CD1A: variants seen among roughly 807,000 people sequenced by gnomAD.
CD1A encodes CD1a molecule, also known as T-cell surface glycoprotein CD1a.
Under a neutral mutation model 38.3 loss-of-function variants are expected in CD1A, and 50 were observed. The ratio of observed to expected loss-of-function variants is 1.30; its 90% CI spans 1.04 to 1.65. The LOEUF is 1.65. Among genes scored for constraint, CD1A ranks in the 40% most tolerant of loss-of-function variants. The pLI is 0.00. For missense variants in CD1A, 459 were observed against 406.1 expected (o/e 1.13, Z -1.12); for synonymous variants, 160 against 150.8 (o/e 1.06, Z -0.45).
rs748482341 is a variant in CD1A, at chr1:158,256,808, C to T, written c.627C>T (p.Ser209=). 3 of 1,614,160 alleles carry T rather than the reference C, an allele frequency of 1.9e-6. No individual in the cohort carries two copies. The highest frequency in any genetic ancestry group is 2.5e-6 in the Non-Finnish European group (3 of 1,180,006). Residue 209 remains serine (S), a synonymous_variant, in exon 4 of 6, where the codon TCC becomes TCT. Transcript: ENST00000289429. The part of the protein sequence containing the change: ...QRQVKPEAWL[S]HGPSPGPGHL... ...CAGTGAAGCCCGAGGCCTGGCTGTCCCATGGCCCCAGTCCTGGCCCTGGCC... is the reference window on the plus strand; with the variant it reads ...CAGTGAAGCCCGAGGCCTGGCTGTCTCATGGCCCCAGTCCTGGCCCTGGCC...
upstream of CD1A, chr1:158,254,053 T>A: frequency 7.9e-6 from 1 of 125,842 alleles, no homozygotes; most frequent in Non-Finnish European, 1.7e-5. Flanking sequence ...TTTTTTTTTT[T>A]TTTTTTTTTT....
At chr1:158,255,535 C>T (rs1441604687) in intron 2 of CD1A, among the ~76,000 whole-genome samples, 185 bp downstream of exon 2, 3 of 152,178 alleles carry the variant, frequency 2.0e-5, no homozygotes, top group Non-Finnish European at 2.9e-5. Flanking sequence ...CCAAACACTT[C>T]TGCTACTTAT....
chr1:158,258,149 T>C lies in CD1A; in HGVS notation c.*459T>C, dbSNP rs1158623606. On this transcript the variant is annotated 3_prime_UTR_variant, in exon 6 of 6. Coordinates refer to ENST00000289429, the MANE Select transcript of CD1A (RefSeq NM_001763.3). ...CAGTTATTTAGATCCCCCCTTTCCT[T>C]CTAATTTTTCAGCTCCTTCAATGCA... 1 of 159,940 alleles carries C rather than the reference T, an allele frequency of 6.3e-6. No homozygotes were observed. Among genetic ancestry groups the C allele is most frequent in the Non-Finnish European group, 1.4e-5 (1 of 72,658 alleles). 9.9% of individuals were successfully genotyped at this position (159,940 alleles called of 1,614,324 possible).
At chr1:158,257,371 G>A (rs370459835) in intron 4 of CD1A, 50 bp from the exon 5 acceptor site, 1 of 1,381,948 alleles carries the variant, frequency 7.2e-7, no homozygotes, top group African/African-American at 1.4e-5. Context: ...GAGTGGATGA[G>A]GTAAAATGGG....
upstream of CD1A, among the ~76,000 whole-genome samples, chr1:158,250,332 G>GT (rs758702835): frequency 5.3e-5 from 8 of 151,996 alleles, no homozygotes; most frequent in South Asian, 2.1e-4. Flanking sequence ...CCTCACACAA[G>GT]TTTTTTTTGG....
At chr1:158,250,091 C>A (rs750434138), upstream of CD1A, among the ~76,000 whole-genome samples, 1 of 152,212 alleles carries the variant, frequency 6.6e-6, no homozygotes, top group East Asian at 1.9e-4. Context: ...GCCCCCAAAT[C>A]TTATTCTCCC....
intron 4 of CD1A, 83 bp downstream of exon 4, chr1:158,257,147 A>G (rs1558067473): frequency 1.4e-5 from 21 of 1,487,856 alleles, no homozygotes; most frequent in Non-Finnish European, 1.8e-5. Flanking sequence ...AAATTTTAGG[A>G]TTTTAGGGAT....
In CD1A at chr1:158,258,047, T is replaced by C; in HGVS notation, c.*357T>C. ...TCCCTGACTTACAAGTGGGAAGCAG[T>C]CTCTTCCTGGTCTGAACTCCCGCCA... On this transcript the variant is annotated 3_prime_UTR_variant, in exon 6 of 6. Transcript: ENST00000289429. The C allele has an allele frequency of 4.5e-6, 1 of 221,972 alleles. No homozygotes were observed. Among genetic ancestry groups the C allele is most frequent in the Non-Finnish European group, 9.0e-6 (1 of 111,674 alleles). The allele number at this position is 221,972 out of a possible 1,614,324, so 13.8% of individuals were successfully genotyped here. A position where few individuals can be genotyped will look rare whatever the true frequency, so the allele number is the denominator to read the frequency against.
Position 158,256,216 on chromosome 1 carries a change from A to T in CD1A, c.538A>T (p.Ser180Cys), listed in dbSNP as rs1650252666. Residue 180 changes from serine to cysteine, a missense_variant, in exon 3 of 6, where the codon AGT becomes TGT. Transcript: ENST00000289429. ...HENDITHNLL[S>C]DTCPRFILGL... Reference sequence around the variant, plus strand: ...AAATGACATAACACACAATCTTCTCAGTGACACCTGCCCACGTTTCATCTT... The same window carrying T: ...AAATGACATAACACACAATCTTCTCTGTGACACCTGCCCACGTTTCATCTT... 6.2e-7 allele frequency: 1 copy of T among 1,614,006 alleles called. No homozygotes were observed. Among genetic ancestry groups the T allele is most frequent in the Non-Finnish European group, 8.5e-7 (1 of 1,179,958 alleles).
chr1:158,254,499 G>GT lies in CD1A; in HGVS notation c.-170dup. On this transcript the variant is annotated 5_prime_UTR_variant, in exon 1 of 6. Coordinates refer to ENST00000289429, the MANE Select transcript of CD1A (RefSeq NM_001763.3). ...GAACCAGAGGGAAATGAGAGACTGA[G>GT]TAGGCATCTCAGGGTTTTTGAAGGA... The GT allele has an allele frequency of 1.4e-6, 2 of 1,454,086 alleles. No homozygotes were observed. Among genetic ancestry groups the GT allele is most frequent in the Middle Eastern group, 4.2e-4 (2 of 4,790 alleles). The allele number at this position is 1,454,086 out of a possible 1,614,324, so 90.1% of individuals were successfully genotyped here. A position where few individuals can be genotyped will look rare whatever the true frequency, so the allele number is the denominator to read the frequency against.
At chr1:158,250,770 G>C (rs992735891), upstream of CD1A, among the ~76,000 whole-genome samples, 1 of 152,288 alleles carries the variant, frequency 6.6e-6, no homozygotes, top group Admixed American at 6.5e-5. Flanking sequence ...TTACCTTGGC[G>C]TGAAGTCTGC....
intron 3 of CD1A, 59 bp downstream of exon 3, chr1:158,256,341 C>T: frequency 2.7e-6 from 4 of 1,504,472 alleles, no homozygotes; most frequent in South Asian, 1.2e-5. Context: ...CCTTCCACCA[C>T]CTCCTTCCAA....
At chr1:158,254,945 G>A in intron 1 of CD1A, 139 bp from the exon 2 acceptor site, 1 of 949,030 alleles carries the variant, frequency 1.1e-6, no homozygotes, top group East Asian at 2.4e-5. Flanking sequence ...GCATGGGACT[G>A]TGTGGCAAGT....
rs1571122441 is a variant in CD1A at position 158,258,013 on chromosome 1, A to C, written c.*323A>C. Reference sequence around the variant, plus strand: ...GCCTGTTTTAGATATCCCTTACTCCAGAGGGCCTTCCCTGACTTACAAGTG... The same window carrying C: ...GCCTGTTTTAGATATCCCTTACTCCCGAGGGCCTTCCCTGACTTACAAGTG... On this transcript the variant is annotated 3_prime_UTR_variant, in exon 6 of 6. Coordinates refer to ENST00000289429, the MANE Select transcript of CD1A (RefSeq NM_001763.3). The C allele has an allele frequency of 3.7e-6, 1 of 270,254 alleles. No individual in the cohort carries two copies. Among genetic ancestry groups the C allele is most frequent in the East Asian group, 7.3e-5 (1 of 13,618 alleles). 16.7% of individuals were successfully genotyped at this position (270,254 alleles called of 1,614,324 possible).
chr1:158,256,649 C>A, intron 3 of CD1A, 137 bp from the exon 4 acceptor site: 1 of 981,316 alleles, frequency 1.0e-6, no homozygotes, highest in Non-Finnish European at 1.5e-6. Context: ...TGCATTGCAG[C>A]ATAGTGACAG....
chr1:158,252,560 T>C (rs1355562601), upstream of CD1A, among the ~76,000 whole-genome samples: 1 of 152,202 alleles, frequency 6.6e-6, no homozygotes, highest in Admixed American at 6.5e-5. Flanking sequence ...GTTATGATTT[T>C]GATAATCTGG....
In CD1A at chr1:158,256,819, G is replaced by T; in HGVS notation, c.638G>T (p.Ser213Ile). ...GAGGCCTGGCTGTCCCATGGCCCCA[G>T]TCCTGGCCCTGGCCATCTGCAGCTT... ...KPEAWLSHGP[S>I]PGPGHLQLVC... The change falls in exon 4 of 6, where the codon AGT (serine) becomes ATT (isoleucine). Residue 213 changes from serine to isoleucine, a missense_variant. Ser to Ile is a moderately radical substitution (Grantham distance 142). Transcript: ENST00000289429. 1.2e-6 allele frequency: 2 copies of T among 1,614,240 alleles called. No individual in the cohort carries two copies. Among genetic ancestry groups the T allele is most frequent in the South Asian group, 1.1e-5 (1 of 91,092 alleles).
At chr1:158,249,028 G>A in the CD1A span, among the ~76,000 whole-genome samples, 9 of 152,228 alleles carry the variant, frequency 5.9e-5, no homozygotes, top group Middle Eastern at 6.8e-3. Context: ...CTCTTCTCCC[G>A]CTTCTTCCTT....
the CD1A span, among the ~76,000 whole-genome samples, chr1:158,249,391 C>A: frequency 6.6e-6 from 1 of 152,112 alleles, no homozygotes; most frequent in Non-Finnish European, 1.5e-5. Flanking sequence ...ACATAGAGTA[C>A]ACTTTCTGGA....
Sources: allele counts gnomAD v4.1 joint callset (sites outside exome capture counted in the v4.1 genomes callset), GRCh38; gene constraint gnomAD v4.1.1; transcripts MANE v1.5; gene names NCBI Gene and HGNC (gene_info 2026-07-23, HGNC 2026-07-21).